The following ADAM22 variants were observed in gnomAD, a reference collection of about 807,000 sequenced individuals.
ADAM22 encodes the protein ADAM metallopeptidase domain 22, also known as disintegrin and metalloproteinase domain-containing protein 22.
In ADAM22, 65 loss-of-function variants were observed where a neutral mutation model predicts 144.6. The observed-to-expected ratio is 0.45, with a 90% CI of 0.37 to 0.55. The LOEUF (loss-of-function observed/expected upper bound fraction) is 0.55. ADAM22 is among the 20% of genes least tolerant of loss of function. The pLI, the probability that ADAM22 is intolerant of heterozygous loss-of-function variation, is 0.00. For synonymous variants in ADAM22, 391 were observed against 412.6 expected (o/e 0.95, Z 0.63); for missense variants, 974 against 1,184.9 (o/e 0.82, Z 2.61).
At chr7:87,988,197 C>T (rs1156659630) in intron 3 of ADAM22, among the ~76,000 whole-genome samples, 10 of 151,952 alleles carry the variant, frequency 6.6e-5, no homozygotes, top group East Asian at 5.8e-4. Context: ...GGAAATGGTC[C>T]GGAAAGCACT....
intron 4 of ADAM22, among the ~76,000 whole-genome samples, chr7:88,091,684 T>C (rs1211121674): frequency 6.6e-6 from 1 of 152,188 alleles, no homozygotes; most frequent in Non-Finnish European, 1.5e-5. Flanking sequence ...CCAAGAATTT[T>C]AAGAAAGGAA....
intron 3 of ADAM22, among the ~76,000 whole-genome samples, chr7:88,012,369 G>GT (rs1233006230): frequency 4.6e-5 from 7 of 151,724 alleles, no homozygotes; most frequent in South Asian, 2.1e-4. Flanking sequence ...TCTTCAGACT[G>GT]TTTTTTTTCT....
At chr7:88,030,507 G>T (rs1035627275) in intron 3 of ADAM22, among the ~76,000 whole-genome samples, 1 of 151,948 alleles carries the variant, frequency 6.6e-6, no homozygotes, top group Non-Finnish European at 1.5e-5. Context: ...ATATGGCTTG[G>T]CTCTGTGTCT....
chr7:88,152,943 C>T (rs1230674144), intron 20 of ADAM22, among the ~76,000 whole-genome samples: 1 of 152,000 alleles, frequency 6.6e-6, no homozygotes, highest in Non-Finnish European at 1.5e-5. Flanking sequence ...TGGCCAAATT[C>T]TAAGGAGTGT....
rs181721773 is a variant in ADAM22 at position 88,174,381 on chromosome 7, C to T, written c.2300+2820C>T. 2.0e-5 allele frequency among the ~76,000 whole-genome samples: 3 copies of T among 151,652 alleles called. No homozygotes were observed. The Admixed American group carries it at 2.0e-4, about 10-fold the overall frequency. ...AGCATCACTTTAAATCTGCCAGTGT[C>T]TTATAATGGGCAGAATTGTGGAACA... On this transcript the variant is annotated intron_variant, in intron 26 of 31. Coordinates refer to ENST00000413139, the MANE Select transcript of ADAM22 (RefSeq NM_001324418.2).
intron 4 of ADAM22, among the ~76,000 whole-genome samples, chr7:88,102,229 G>T (rs1823124993): frequency 6.6e-6 from 1 of 152,158 alleles, no homozygotes; most frequent in Non-Finnish European, 1.5e-5. Context: ...AACAATTCCA[G>T]ATTTGATCAT....
chr7:88,069,134 TC>T (rs35112507), intron 3 of ADAM22, among the ~76,000 whole-genome samples: 3,545 of 151,776 alleles, frequency 0.023, 80 homozygotes, highest in Admixed American at 0.077. Flanking sequence ...TCTCTTGTCT[TC>T]CCTTACCTTC....
intron 27 of ADAM22, 155 bp from the exon 28 acceptor site, chr7:88,181,347 TGAA>T: frequency 1.6e-6 from 1 of 629,220 alleles, no homozygotes; most frequent in South Asian, 2.1e-5. Context: ...GCCTTCTTCA[TGAA>T]GACTTTCATG....
chr7:88,024,952 T>G (rs1798680095), intron 3 of ADAM22, among the ~76,000 whole-genome samples: 1 of 152,206 alleles, frequency 6.6e-6, no homozygotes, highest in Non-Finnish European at 1.5e-5. Context: ...AGTCTATCAT[T>G]GTTGGACATT....
At chr7:88,044,308 C>A (rs1007532234) in intron 3 of ADAM22, among the ~76,000 whole-genome samples, 2 of 152,114 alleles carry the variant, frequency 1.3e-5, no homozygotes, top group Non-Finnish European at 2.9e-5. Context: ...ATGATGATGT[C>A]TTTAGAGTGC....
intron 3 of ADAM22, among the ~76,000 whole-genome samples, chr7:88,026,581 A>G (rs544518534): frequency 1.1e-4 from 17 of 152,208 alleles, no homozygotes; most frequent in Non-Finnish European, 2.5e-4. Flanking sequence ...TTGTTTTTAT[A>G]TCCTGCAATA....
chr7:88,016,923 G>A (rs1796667798), intron 3 of ADAM22, among the ~76,000 whole-genome samples: 1 of 152,128 alleles, frequency 6.6e-6, no homozygotes, highest in African/African-American at 2.4e-5. Flanking sequence ...TTCAACACCA[G>A]CCTGGGCGTT....
chr7:88,047,238 C>T (rs1218734097), intron 3 of ADAM22, among the ~76,000 whole-genome samples: 1 of 152,202 alleles, frequency 6.6e-6, no homozygotes, highest in Non-Finnish European at 1.5e-5. Flanking sequence ...AACTCTCAGG[C>T]AGGCTTATCT....
intron 4 of ADAM22, among the ~76,000 whole-genome samples, chr7:88,079,694 A>G (rs1815880063): frequency 6.6e-6 from 1 of 152,216 alleles, no homozygotes; most frequent in Admixed American, 6.5e-5. Context: ...AGGGGTTGCA[A>G]TCCTACTCTT....
intron 5 of ADAM22, among the ~76,000 whole-genome samples, chr7:88,113,085 G>A (rs907017236): frequency 2.1e-4 from 30 of 141,730 alleles, no homozygotes; most frequent in Non-Finnish European, 2.9e-4. Flanking sequence ...GGCCCATCCC[G>A]AAAAGTTCTT....
rs747700250 is a variant in ADAM22, at chr7:88,017,693, G to A, written c.323+39281G>A. ...TCTATTCCTTCCACCTAGTTTCTACGTCCATCTCCTGTATAAGTAACCATT... is the reference window on the plus strand; with the variant it reads ...TCTATTCCTTCCACCTAGTTTCTACATCCATCTCCTGTATAAGTAACCATT... On this transcript the variant is annotated intron_variant, in intron 3 of 31. Coordinates refer to ENST00000413139, the MANE Select transcript of ADAM22 (RefSeq NM_001324418.2). Among the ~76,000 whole-genome samples the A allele has an allele frequency of 2.6e-5, 4 of 151,634 alleles. No homozygotes were observed. In the East Asian group the frequency reaches 5.8e-4, roughly 22 times the overall value.
intron 2 of ADAM22, among the ~76,000 whole-genome samples, chr7:87,972,859 A>G (rs1436900902): frequency 2.6e-5 from 4 of 152,218 alleles, no homozygotes; most frequent in Non-Finnish European, 5.9e-5. Context: ...TCCCTATTTA[A>G]TAAATGGTGC....
chr7:87,937,316 T>C (rs1841473599), intron 2 of ADAM22, among the ~76,000 whole-genome samples: 1 of 152,184 alleles, frequency 6.6e-6, no homozygotes, highest in Admixed American at 6.5e-5. Flanking sequence ...TCTATTTCTT[T>C]TTTTTCCCCT....
chr7:88,087,540 G>A (rs190254103), intron 4 of ADAM22, among the ~76,000 whole-genome samples: 211 of 152,274 alleles, frequency 1.4e-3, no homozygotes, highest in African/African-American at 4.3e-3. Context: ...TCAGGAATGT[G>A]TGTAGATGGG....
Sources: allele counts gnomAD v4.1 joint callset (sites outside exome capture counted in the v4.1 genomes callset), GRCh38; gene constraint gnomAD v4.1.1; transcripts MANE v1.5; gene names NCBI Gene and HGNC (gene_info 2026-07-23, HGNC 2026-07-21).